RCC2: variants seen among roughly 807,000 people sequenced by gnomAD.
RCC2 encodes regulator of chromosome condensation 2, also known as protein RCC2.
In RCC2, 19 loss-of-function variants were observed where a neutral mutation model predicts 64.1. The ratio of observed to expected loss-of-function variants is 0.30; its 90% confidence interval spans 0.21 to 0.44. RCC2 has a LOEUF of 0.44. RCC2 is among the 20% of genes least tolerant of loss of function. The probability of loss-of-function intolerance (pLI) is 1.00; values close to 1 mark genes in which losing one functional copy is unlikely to be tolerated. For synonymous variants in RCC2, 325 were observed against 279.6 expected, an observed-to-expected ratio of 1.16 and a Z score of -1.62; for missense variants, 508 against 710.4, an observed-to-expected ratio of 0.72 and a Z score of 3.24.
intron 2 of RCC2, among the ~76,000 whole-genome samples, chr1:17,432,394 G>A (rs2075691497): frequency 6.6e-6 from 1 of 152,234 alleles, no homozygotes; most frequent in Non-Finnish European, 1.5e-5. Context: ...GCATGGAGGG[G>A]GCAGTAGAGA....
chr1:17,423,476 G>A (rs759497483), intron 4 of RCC2, among the ~76,000 whole-genome samples: 9 of 152,194 alleles, frequency 5.9e-5, no homozygotes, highest in African/African-American at 2.2e-4. Flanking sequence ...CTCCAGGACT[G>A]CTGCAGGTGC....
At position 17,406,824 on chromosome 1, in the gene RCC2, T is replaced by A. The variant is rs1278503946; in HGVS notation, c.*2266A>T. The A allele has an allele frequency of 1.3e-5, 2 of 152,062 alleles. No individual in the cohort carries two copies. Among genetic ancestry groups the A allele is most frequent in the Middle Eastern group, 3.2e-3 (1 of 316 alleles). The allele number at this position is 152,062 out of a possible 1,614,324, so 9.4% of individuals were successfully genotyped here. On this transcript the variant is annotated 3_prime_UTR_variant, in exon 13 of 13. Transcript: ENST00000375436. ...CCAAGAAATATATATATAAAAAAAA[T>A]AATAAGACAATTACAGCACTAAACC...
At chr1:17,436,687 C>G (rs1043551138) in intron 2 of RCC2, among the ~76,000 whole-genome samples, 2 of 152,202 alleles carry the variant, frequency 1.3e-5, no homozygotes, top group African/African-American at 4.8e-5. Flanking sequence ...ATTCAGCGTT[C>G]CAACAGTCTG....
chr1:17,414,552 C>CA (rs58463475), intron 8 of RCC2, among the ~76,000 whole-genome samples: 4,185 of 113,514 alleles, frequency 0.037, 81 homozygotes, highest in African/African-American at 0.062. Flanking sequence ...CAAAACGAAA[C>CA]AAAAAAAAAA....
At chr1:17,433,598 C>A (rs1277562820) in intron 2 of RCC2, among the ~76,000 whole-genome samples, 1 of 152,152 alleles carries the variant, frequency 6.6e-6, no homozygotes, top group African/African-American at 2.4e-5. Context: ...AAACAGTCTG[C>A]CCAATGAGAT....
intron 7 of RCC2, 36 bp downstream of exon 7, chr1:17,420,678 T>C (rs1394463350): frequency 7.5e-7 from 1 of 1,338,686 alleles, no homozygotes; most frequent in South Asian, 1.3e-5. Flanking sequence ...TATATACAGT[T>C]AGATTACAGA....
intron 6 of RCC2, 135 bp from the exon 7 acceptor site, chr1:17,420,963 A>C: frequency 1.6e-6 from 1 of 629,790 alleles, no homozygotes; most frequent in Non-Finnish European, 2.8e-6. Flanking sequence ...TGAAGGCAAA[A>C]GCTGAAGGCA....
chr1:17,426,583 C>G (rs772479238), intron 3 of RCC2, among the ~76,000 whole-genome samples: 4 of 152,114 alleles, frequency 2.6e-5, no homozygotes, highest in Non-Finnish European at 4.4e-5. Flanking sequence ...CCCCCCAGCC[C>G]TCCCACTCCA....
intron 2 of RCC2, among the ~76,000 whole-genome samples, chr1:17,431,359 A>AATATATATATATATATATATATATAT (rs71014951): frequency 7.3e-4 from 33 of 44,926 alleles, no homozygotes; most frequent in South Asian, 2.2e-3. Context: ...AAAAAAAAAA[A>AATATATATATATATATATATATATAT]ATATATATAT....
chr1:17,428,376 C>A (rs189972567), intron 3 of RCC2, among the ~76,000 whole-genome samples: 114 of 152,310 alleles, frequency 7.5e-4, no homozygotes, highest in Non-Finnish European at 1.3e-3. Flanking sequence ...TCTAATTCAG[C>A]TGGCCCCCAG....
intron 2 of RCC2, 78 bp from the exon 3 acceptor site, chr1:17,429,277 CGAAACGAAA>C: frequency 1.8e-6 from 2 of 1,129,476 alleles, no homozygotes; most frequent in Non-Finnish European, 2.7e-6. Context: ...AATGACAGCA[CGAAACGAAA>C]GAAAATCATT....
At position 17,409,084 on chromosome 1, in the gene RCC2, G is replaced by A. The variant is rs376825493; in HGVS notation, c.*6C>T. ...AGGTGTGGAGTCGGAGGAGTCTCCG[G>A]GAGCATCAGAGGGTTCGGGGGTTGT... On this transcript the variant is annotated 3_prime_UTR_variant, in exon 13 of 13. Coordinates refer to ENST00000375436, the MANE Select transcript of RCC2 (RefSeq NM_018715.4). The A allele has an allele frequency of 1.1e-5, 18 of 1,599,064 alleles. No homozygotes were observed. The African/African-American group carries it at 2.1e-4, about 19-fold the overall frequency.
intron 2 of RCC2, among the ~76,000 whole-genome samples, chr1:17,433,235 G>C (rs975424217): frequency 3.3e-5 from 5 of 152,184 alleles, no homozygotes; most frequent in Non-Finnish European, 5.9e-5. Flanking sequence ...ATAATTGTTT[G>C]CTCTAAGCTG....
intron 2 of RCC2, among the ~76,000 whole-genome samples, chr1:17,433,908 G>A (rs1388772816): frequency 2.6e-5 from 4 of 152,052 alleles, no homozygotes; most frequent in Non-Finnish European, 5.9e-5. Context: ...ACAGACTTCC[G>A]GGTTGGCTTT....
rs2075381802 is a variant in RCC2, at chr1:17,408,008, G to A, written c.*1082C>T. 6.6e-6 allele frequency: 1 copy of A among 152,408 alleles called. No homozygotes were observed. The highest frequency in any genetic ancestry group is 2.4e-5 in the African/African-American group (1 of 41,452). 9.4% of individuals were successfully genotyped at this position (152,408 alleles called of 1,614,324 possible). ...AGGTGGCAGTCACAGCATCCGTGCT[G>A]ACACGCAAGGAAGGGGACTCTTCGG... On this transcript the variant is annotated 3_prime_UTR_variant, in exon 13 of 13. Coordinates refer to ENST00000375436, the MANE Select transcript of RCC2 (RefSeq NM_018715.4).
At chr1:17,439,517 CTG>C in intron 1 of RCC2, 26 bp downstream of exon 1, 1 of 146,450 alleles carries the variant, frequency 6.8e-6, no homozygotes, top group South Asian at 2.1e-4. Flanking sequence ...ACCCCACAAA[CTG>C]ATCACTGTCG....
intron 8 of RCC2, 121 bp downstream of exon 8, chr1:17,416,359 A>C (rs2075484927): frequency 2.6e-6 from 3 of 1,133,452 alleles, no homozygotes; most frequent in Admixed American, 5.0e-5. Context: ...CCTCTTGAAG[A>C]AGCAAGCAGA....
In RCC2 at chr1:17,418,294, C is replaced by T. The variant is rs182803007; in HGVS notation, c.860-1648G>A. On this transcript the variant is annotated intron_variant, in intron 7 of 12. Transcript: ENST00000375436. ...CGGTGGCATGATCTCTGCTCACTAT[C>T]ACTGTCTTATGACAGCAGTTCTCTA... 6.7e-5 allele frequency among the ~76,000 whole-genome samples: 10 copies of T among 149,472 alleles called. No individual in the cohort carries two copies. In the Admixed American group the frequency reaches 6.7e-4, roughly 10 times the overall value.
intron 3 of RCC2, 55 bp downstream of exon 3, chr1:17,429,051 C>A: frequency 7.2e-7 from 1 of 1,387,994 alleles, no homozygotes. Flanking sequence ...AGGTGGTCAA[C>A]AGAACCTAGC....
Sources: gnomAD v4.1 joint callset for allele counts (sites outside exome capture counted in the v4.1 genomes callset) on GRCh38, gnomAD v4.1.1 for gene constraint, MANE v1.5 for transcripts, NCBI Gene and HGNC (gene_info 2026-07-23, HGNC 2026-07-21) for gene names.